Variants in GSK3B observed in about 807,000 individuals in gnomAD.
GSK3B encodes the protein glycogen synthase kinase-3 beta.
Under a neutral mutation model 56.4 loss-of-function variants are expected in GSK3B, and 15 were observed. The ratio of observed to expected loss-of-function variants is 0.27; its 90% CI spans 0.18 to 0.41. The LOEUF is 0.41. GSK3B is among the 10% of genes least tolerant of loss of function. The pLI is 1.00. For missense variants in GSK3B, 300 were observed against 513.4 expected (o/e 0.58, Z 4.02); for synonymous variants, 181 against 188.9 (o/e 0.96, Z 0.34).
At chr3:119,912,277 T>C (rs1283864216) in intron 6 of GSK3B, among the ~76,000 whole-genome samples, 1 of 152,142 alleles carries the variant, frequency 6.6e-6, no homozygotes, top group Non-Finnish European at 1.5e-5. Context: ...CTGTCTTATA[T>C]TGTTGTGGTT....
At position 119,844,989 on chromosome 3, in the gene GSK3B, A is replaced by T. The variant is rs558596126; in HGVS notation, c.1097-1636T>A. Among the ~76,000 whole-genome samples the T allele has an allele frequency of 2.0e-5, 3 of 152,326 alleles. No individual in the cohort carries two copies. In the East Asian group the frequency reaches 5.8e-4, roughly 29 times the overall value. The stretch of plus-strand genomic sequence containing the variant: ...TGATCAAGTCGGCTTCATCCCTGGG[A>T]TGAAAGGCTGGTTCAACATATGCAA... On this transcript the variant is annotated intron_variant, in intron 9 of 10. Transcript: ENST00000264235.
chr3:119,900,308 T>C (rs902560785), intron 7 of GSK3B, among the ~76,000 whole-genome samples: 3 of 152,106 alleles, frequency 2.0e-5, no homozygotes, highest in Non-Finnish European at 4.4e-5. Context: ...AACTCTTCTA[T>C]TCAAAAGCAA....
At chr3:119,850,110 A>T (rs936512977) in intron 9 of GSK3B, among the ~76,000 whole-genome samples, 7 of 152,060 alleles carry the variant, frequency 4.6e-5, no homozygotes, top group African/African-American at 1.7e-4. Context: ...ATAAGGAGAG[A>T]GGGGTAACTA....
intron 1 of GSK3B, among the ~76,000 whole-genome samples, chr3:120,076,861 C>T (rs2058371778): frequency 7.6e-6 from 1 of 131,102 alleles, no homozygotes; most frequent in African/African-American, 2.8e-5. Flanking sequence ...GGTGAATAGA[C>T]ATTTCCCTAA....
intron 3 of GSK3B, among the ~76,000 whole-genome samples, chr3:119,934,837 A>C (rs997618684): frequency 6.6e-5 from 10 of 152,160 alleles, no homozygotes; most frequent in Non-Finnish European, 1.5e-4. Flanking sequence ...TAAGAAATTT[A>C]TATCTGTTAA....
At chr3:119,919,303 G>T (rs183054857) in intron 4 of GSK3B, among the ~76,000 whole-genome samples, 172 of 152,194 alleles carry the variant, frequency 1.1e-3, no homozygotes, top group African/African-American at 4.1e-3. Context: ...AGAGTTACTT[G>T]CATTTACTAC....
intron 8 of GSK3B, among the ~76,000 whole-genome samples, chr3:119,867,422 AAAAT>A (rs1242976653): frequency 6.6e-6 from 1 of 152,224 alleles, no homozygotes; most frequent in African/African-American, 2.4e-5. Context: ...GTACTTAGGA[AAAAT>A]AAATAGAGAA....
intron 10 of GSK3B, among the ~76,000 whole-genome samples, chr3:119,835,697 CTT>C (rs990426117): frequency 1.3e-5 from 2 of 151,782 alleles, no homozygotes; most frequent in Admixed American, 1.3e-4. Context: ...AAGTTGCAGA[CTT>C]TTATGAAATT....
At chr3:119,958,841 C>T (rs2057242048) in intron 2 of GSK3B, among the ~76,000 whole-genome samples, 1 of 151,700 alleles carries the variant, frequency 6.6e-6, no homozygotes, top group African/African-American at 2.4e-5. Flanking sequence ...TGGAGCTTAA[C>T]AGGTAGAATT....
Position 119,915,550 on chromosome 3 carries a change from CAT to C in GSK3B, c.608+492_608+493del, listed in dbSNP as rs368886402. Among the ~76,000 whole-genome samples, 339 of 149,714 alleles carry C rather than the reference CAT, an allele frequency of 2.3e-3. 1 individual carries two copies. Among genetic ancestry groups the C allele is most frequent in the South Asian group, 3.6e-3 (17 of 4,748 alleles). On this transcript the variant is annotated intron_variant, in intron 5 of 10. Transcript: ENST00000264235. ...ACTTGTGTATATATGTGTGTGTGTA[CAT>C]ATATATATATATAGTCACATTCTGT...
intron 7 of GSK3B, among the ~76,000 whole-genome samples, chr3:119,897,917 T>A (rs1347385295): frequency 2.0e-5 from 3 of 151,868 alleles, no homozygotes; most frequent in African/African-American, 7.3e-5. Flanking sequence ...ACAGGGATAA[T>A]TAAAATCCAA....
chr3:119,905,419 G>A (rs2056673096), intron 7 of GSK3B, among the ~76,000 whole-genome samples: 1 of 152,032 alleles, frequency 6.6e-6, no homozygotes, highest in Admixed American at 6.6e-5. Flanking sequence ...GTGAGCAAAA[G>A]CAGACACAGC....
intron 1 of GSK3B, among the ~76,000 whole-genome samples, chr3:120,054,179 G>C (rs1183753111): frequency 6.6e-6 from 1 of 152,128 alleles, no homozygotes; most frequent in Non-Finnish European, 1.5e-5. Flanking sequence ...CATTTCTCTA[G>C]AAAGTTCAAG....
intron 2 of GSK3B, among the ~76,000 whole-genome samples, chr3:119,949,981 C>T (rs1283520188): frequency 6.6e-6 from 1 of 151,544 alleles, no homozygotes; most frequent in African/African-American, 2.4e-5. Flanking sequence ...TGGAAAAATG[C>T]ATTTGGGAGT....
At chr3:119,983,593 A>G (rs904330718) in intron 2 of GSK3B, among the ~76,000 whole-genome samples, 1 of 152,186 alleles carries the variant, frequency 6.6e-6, no homozygotes, top group African/African-American at 2.4e-5. Flanking sequence ...AAACCAACAA[A>G]GATCAAAGAG....
intron 10 of GSK3B, among the ~76,000 whole-genome samples, chr3:119,840,310 C>T (rs971686636): frequency 1.3e-5 from 2 of 151,784 alleles, no homozygotes; most frequent in Non-Finnish European, 1.5e-5. Context: ...TTGCAACCTC[C>T]GCCTCCCAGG....
chr3:119,850,072 T>C (rs376530562), intron 9 of GSK3B, among the ~76,000 whole-genome samples: 3 of 143,140 alleles, frequency 2.1e-5, no homozygotes, highest in South Asian at 2.3e-4. Flanking sequence ...TATGTATGTA[T>C]GTAAAAAGAC....
chr3:119,871,547 T>G (rs1254124372), intron 8 of GSK3B, among the ~76,000 whole-genome samples: 1 of 152,176 alleles, frequency 6.6e-6, no homozygotes, highest in Admixed American at 6.5e-5. Flanking sequence ...CTATAGGAGT[T>G]ATGTGGTAGG....
At chr3:119,958,375 C>G (rs894989491) in intron 2 of GSK3B, among the ~76,000 whole-genome samples, 2 of 71,908 alleles carry the variant, frequency 2.8e-5, no homozygotes, top group Admixed American at 2.1e-4. Flanking sequence ...CTAGAGTTAT[C>G]GAAAAAGGGG....
Sources: gnomAD v4.1 joint callset for allele counts (sites outside exome capture counted in the v4.1 genomes callset) on GRCh38, gnomAD v4.1.1 for gene constraint, MANE v1.5 for transcripts, NCBI Gene and HGNC (gene_info 2026-07-23, HGNC 2026-07-21) for gene names.